Variants in TRIM2 observed in about 807,000 individuals in gnomAD.
The protein encoded by TRIM2 is tripartite motif containing 2, also known as tripartite motif-containing protein 2.
A neutral mutation model predicts 75.2 loss-of-function variants in TRIM2; 20 were observed. The observed-to-expected ratio is 0.27, with a 90% CI of 0.19 to 0.39. TRIM2 has a LOEUF of 0.39. Among genes scored for constraint, TRIM2 ranks in the 10% least tolerant of loss-of-function variants. The probability of loss-of-function intolerance (pLI) is 1.00; values close to 1 mark genes in which losing one functional copy is unlikely to be tolerated. For synonymous variants in TRIM2, 373 were observed against 388.3 expected (o/e 0.96, Z 0.46); for missense variants, 660 against 990.8 (o/e 0.67, Z 4.48).
In TRIM2 at chr4:153,337,735, C is replaced by G. The variant is rs1772613306; in HGVS notation, c.*2769C>G. On this transcript the variant is annotated 3_prime_UTR_variant, in exon 12 of 12. Transcript: ENST00000338700. ...AATAAGTGGCTTTTTTCTGGGCTAC[C>G]ATTATTGTTTGATTTCTCTTTGTCA... is the stretch of plus-strand genomic sequence containing the variant. 4 of 985,704 alleles carry G rather than the reference C, an allele frequency of 4.1e-6. No individual in the cohort carries two copies. The highest frequency in any genetic ancestry group is 4.8e-6 in the Non-Finnish European group (4 of 829,908). The allele number at this position is 985,704 out of a possible 1,614,324, so 61.1% of individuals were successfully genotyped here. A position where few individuals can be genotyped will look rare whatever the true frequency, so the allele number is the denominator to read the frequency against.
chr4:153,206,220 C>T (rs1450421905), intron 1 of TRIM2, among the ~76,000 whole-genome samples: 4 of 152,208 alleles, frequency 2.6e-5, no homozygotes, highest in Non-Finnish European at 4.4e-5. Flanking sequence ...CTGCCCCGAC[C>T]TCAGAGGCCA....
chr4:153,221,617 C>T (rs1740022954), intron 1 of TRIM2, among the ~76,000 whole-genome samples: 2 of 151,846 alleles, frequency 1.3e-5, no homozygotes, highest in Admixed American at 1.3e-4. Flanking sequence ...TGAAAGTAGA[C>T]TCATGCTTTT....
intron 1 of TRIM2, among the ~76,000 whole-genome samples, chr4:153,244,463 G>A (rs1363149821): frequency 2.8e-5 from 4 of 140,366 alleles, no homozygotes; most frequent in Non-Finnish European, 6.1e-5. Flanking sequence ...GCCTCACTAT[G>A]TTGCCCGAGC....
chr4:153,338,303 T>A lies in TRIM2; in HGVS notation c.*3337T>A, dbSNP rs146225563. On this transcript the variant is annotated 3_prime_UTR_variant, in exon 12 of 12. Coordinates refer to ENST00000338700, the MANE Select transcript of TRIM2 (RefSeq NM_015271.5). ...AATAAACATTAGGTAATCTGCAGAT[T>A]ACTTCAAATGGGAAAAATCTTTTTG... 458 of 985,864 alleles carry A rather than the reference T, an allele frequency of 4.6e-4. 1 individual carries two copies. The African/African-American group carries it at 6.1e-3, about 13-fold the overall frequency. 61.1% of individuals were successfully genotyped at this position (985,864 alleles called of 1,614,324 possible). A position where few individuals can be genotyped will look rare whatever the true frequency, so the allele number is the denominator to read the frequency against.
chr4:153,227,370 G>A (rs1274122109), intron 1 of TRIM2, among the ~76,000 whole-genome samples: 1 of 152,156 alleles, frequency 6.6e-6, no homozygotes, highest in Non-Finnish European at 1.5e-5. Flanking sequence ...TAGAAACACT[G>A]CTTGAGAGTG....
intron 1 of TRIM2, among the ~76,000 whole-genome samples, chr4:153,180,920 T>G (rs965859926): frequency 5.3e-5 from 8 of 152,234 alleles, no homozygotes; most frequent in African/African-American, 1.4e-4. Flanking sequence ...CCAGGCATTG[T>G]CCTGAGTGCT....
chr4:153,267,248 C>T (rs1471711483), intron 1 of TRIM2, among the ~76,000 whole-genome samples: 2 of 151,970 alleles, frequency 1.3e-5, no homozygotes, highest in East Asian at 3.9e-4. Context: ...AGGTCAAGGG[C>T]GGTGTTGTGG....
chr4:153,233,106 T>A (rs999042495), intron 1 of TRIM2, among the ~76,000 whole-genome samples: 1 of 152,220 alleles, frequency 6.6e-6, no homozygotes, highest in Non-Finnish European at 1.5e-5. Context: ...TGGCTTGATG[T>A]TTTGGCAAAT....
In TRIM2 at chr4:153,255,677, T is replaced by C. The variant is rs28374985; in HGVS notation, c.31-14658T>C. Among the ~76,000 whole-genome samples the C allele has an allele frequency of 7.9e-3, 1,208 of 152,312 alleles. 17 individuals carry two copies. The highest frequency in any genetic ancestry group is 0.028 in the African/African-American group (1,144 of 41,552). On this transcript the variant is annotated intron_variant, in intron 1 of 11. Coordinates refer to ENST00000338700, the MANE Select transcript of TRIM2 (RefSeq NM_015271.5). ...ATGTTTATAGCAGCACTGTTCATAA[T>C]GGCCAAAAAGTGGAAACAACCCAGT...
At chr4:153,270,593 C>G (rs1756440805) in intron 2 of TRIM2, 74 bp downstream of exon 2, 2 of 1,278,778 alleles carry the variant, frequency 1.6e-6, no homozygotes, top group Non-Finnish European at 2.1e-6. Context: ...GATTCTTTCC[C>G]AGAATTCTAC....
intron 1 of TRIM2, among the ~76,000 whole-genome samples, chr4:153,165,830 A>G (rs762296011): frequency 5.3e-5 from 8 of 152,044 alleles, no homozygotes; most frequent in Non-Finnish European, 1.0e-4. Flanking sequence ...GTATTCTCAT[A>G]TTTCATGGTG....
intron 1 of TRIM2, among the ~76,000 whole-genome samples, chr4:153,251,551 G>T (rs1229540424): frequency 6.6e-6 from 1 of 152,060 alleles, no homozygotes; most frequent in Non-Finnish European, 1.5e-5. Flanking sequence ...ACATGTTAAT[G>T]AGGTACAGTG....
intron 1 of TRIM2, among the ~76,000 whole-genome samples, chr4:153,221,963 GGAGGA>G (rs1740421187): frequency 4.8e-5 from 1 of 20,772 alleles, no homozygotes; most frequent in Non-Finnish European, 7.5e-5. Flanking sequence ...AAGGAAAGAG[GGAGGA>G]AGGGAGGAAG....
chr4:153,153,900 G>A (rs1728977571), intron 1 of TRIM2, among the ~76,000 whole-genome samples: 1 of 152,328 alleles, frequency 6.6e-6, no homozygotes, highest in African/African-American at 2.4e-5. Flanking sequence ...TTCGCACAAG[G>A]GGTTTAAGAG....
At chr4:153,288,367 C>A (rs1399462255) in intron 3 of TRIM2, among the ~76,000 whole-genome samples, 2 of 151,946 alleles carry the variant, frequency 1.3e-5, no homozygotes, top group East Asian at 1.9e-4. Flanking sequence ...AACTTGGGAG[C>A]CAGAGGTTGC....
At chr4:153,236,110 T>C (rs757232851) in intron 1 of TRIM2, among the ~76,000 whole-genome samples, 1 of 152,016 alleles carries the variant, frequency 6.6e-6, no homozygotes, top group African/African-American at 2.4e-5. Flanking sequence ...TCATTCTCCC[T>C]CCTGCCACCC....
chr4:153,264,193 C>T (rs1318383562), intron 1 of TRIM2, among the ~76,000 whole-genome samples: 1 of 152,206 alleles, frequency 6.6e-6, no homozygotes, highest in African/African-American at 2.4e-5. Context: ...TTTCCACAGA[C>T]AGGGAACCTC....
chr4:153,249,601 C>G (rs1441837642), intron 1 of TRIM2, among the ~76,000 whole-genome samples: 1 of 149,300 alleles, frequency 6.7e-6, no homozygotes, highest in Non-Finnish European at 1.5e-5. Context: ...CCTCCCTGCT[C>G]CCGCCTCGGC....
At chr4:153,184,810 C>T (rs1446390124) in intron 1 of TRIM2, among the ~76,000 whole-genome samples, 1 of 152,148 alleles carries the variant, frequency 6.6e-6, no homozygotes, top group Non-Finnish European at 1.5e-5. Context: ...TACGAGAAAC[C>T]TCATCAGAAG....
Sources: allele counts gnomAD v4.1 joint callset (sites outside exome capture counted in the v4.1 genomes callset), GRCh38; gene constraint gnomAD v4.1.1; transcripts MANE v1.5; gene names NCBI Gene and HGNC (gene_info 2026-07-23, HGNC 2026-07-21).